CKAP5: variants seen among roughly 807,000 people sequenced by gnomAD.
CKAP5 encodes the protein cytoskeleton associated protein 5.
Under a neutral mutation model 232.8 loss-of-function variants are expected in CKAP5, and 27 were observed. The ratio of observed to expected loss-of-function variants is 0.12; its 90% confidence interval spans 0.09 to 0.16. The LOEUF (loss-of-function observed/expected upper bound fraction) is 0.16, where lower values mean the gene tolerates loss of function less well. CKAP5 is among the 10% of genes least tolerant of loss of function. CKAP5 has a pLI of 1.00. For synonymous variants in CKAP5, 785 were observed against 841.1 expected (o/e 0.93, Z 1.16); for missense variants, 1,838 against 2,424.7 (o/e 0.76, Z 5.08).
At chr11:46,748,265 G>A (rs753554717) in intron 42 of CKAP5, among the ~76,000 whole-genome samples, 2 of 152,166 alleles carry the variant, frequency 1.3e-5, no homozygotes, top group Non-Finnish European at 2.9e-5. Flanking sequence ...CAGGGTGGAA[G>A]CAGGGAGATC....
At chr11:46,811,418 T>C (rs999915247) in intron 4 of CKAP5, among the ~76,000 whole-genome samples, 6 of 152,206 alleles carry the variant, frequency 3.9e-5, no homozygotes, top group African/African-American at 1.4e-4. Context: ...TTAAACAAAC[T>C]TTCTAGGTAA....
At chr11:46,814,613 T>TA (rs1939356792) in intron 4 of CKAP5, among the ~76,000 whole-genome samples, 1 of 152,200 alleles carries the variant, frequency 6.6e-6, no homozygotes, top group African/African-American at 2.4e-5. Context: ...GGGGACAGGA[T>TA]ACCAGATTAG....
At chr11:46,804,136 T>TG (rs1428754518) in intron 8 of CKAP5, among the ~76,000 whole-genome samples, 1 of 152,198 alleles carries the variant, frequency 6.6e-6, no homozygotes, top group East Asian at 1.9e-4. Context: ...CAGTAACCAG[T>TG]GGGAGCTAGA....
chr11:46,767,433 C>A (rs2065211719), intron 27 of CKAP5, 142 bp downstream of exon 27: 2 of 519,588 alleles, frequency 3.8e-6, no homozygotes, highest in African/African-American at 3.8e-5. Flanking sequence ...AAATGAACCA[C>A]AGAAATTTGT....
At chr11:46,821,718 C>A (rs1320178028) in intron 1 of CKAP5, among the ~76,000 whole-genome samples, 1 of 151,884 alleles carries the variant, frequency 6.6e-6, no homozygotes, top group Non-Finnish European at 1.5e-5. Context: ...CCACCGCGCC[C>A]GGCCAATAGA....
At chr11:46,756,754 A>AT (rs59822318) in intron 35 of CKAP5, among the ~76,000 whole-genome samples, 22,738 of 128,048 alleles carry the variant, frequency 0.18, 2,745 homozygotes, top group East Asian at 0.6. Context: ...TGGACCTTGA[A>AT]TTTTTTTTTT....
chr11:46,795,698 G>A lies in CKAP5; in HGVS notation c.1546C>T (p.Pro516Ser). 1 of 1,614,090 alleles carries A rather than the reference G, an allele frequency of 6.2e-7. No individual in the cohort carries two copies. Among genetic ancestry groups the A allele is most frequent in the Non-Finnish European group, 8.5e-7 (1 of 1,179,976 alleles). The change falls in exon 13 of 44, where the codon CCT (proline) becomes TCT (serine). Residue 516 changes from proline (P) to serine (S), a missense_variant. Physicochemically the swap from Pro to Ser is moderately conservative, Grantham distance 74. This residue lies in a region of CKAP5 where 767 missense variants were observed against 954.6 expected (regional missense o/e 0.80). Coordinates refer to ENST00000529230, the MANE Select transcript of CKAP5 (RefSeq NM_001008938.4). ...GAAGCAGCAGTCCTTCCAGGCAGAG[G>A]TTTGAATTCCTTCTTATCAGCAGCT... ...GLAADKKEFK[P>S]LPGRTAASGA... is the part of the protein sequence containing the mutation.
At chr11:46,811,330 A>G in intron 4 of CKAP5, 152 bp from the exon 5 acceptor site, 8 of 619,386 alleles carry the variant, frequency 1.3e-5, no homozygotes, top group Middle Eastern at 4.3e-4. Context: ...AAAGGAACTC[A>G]TAACTGCTTA....
intron 36 of CKAP5, among the ~76,000 whole-genome samples, chr11:46,754,235 G>C (rs1319367161): frequency 6.6e-6 from 1 of 152,156 alleles, no homozygotes; most frequent in Non-Finnish European, 1.5e-5. Flanking sequence ...CTGACATTGT[G>C]ATCCACCCGC....
In CKAP5 at chr11:46,835,142, T is replaced by C. The variant is rs193171058; in HGVS notation, c.-38+11078A>G. 2.8e-3 allele frequency among the ~76,000 whole-genome samples: 421 copies of C among 152,122 alleles called. 2 individuals are homozygous for C. The highest frequency in any genetic ancestry group is 9.6e-3 in the African/African-American group (399 of 41,484). ...ATTTAAAGAACCAAGCAGGCTGAAA[T>C]TGTGCATAGAAGAGTGAATAGAATC... On this transcript the variant is annotated intron_variant, in intron 1 of 43. Coordinates refer to ENST00000529230, the MANE Select transcript of CKAP5 (RefSeq NM_001008938.4).
intron 18 of CKAP5, among the ~76,000 whole-genome samples, chr11:46,780,915 C>T (rs2065336242): frequency 6.6e-6 from 1 of 152,190 alleles, no homozygotes; most frequent in South Asian, 2.1e-4. Flanking sequence ...TGAGCTACCA[C>T]ACCCAGCCTC....
intron 1 of CKAP5, among the ~76,000 whole-genome samples, chr11:46,829,669 A>G (rs905249085): frequency 3.3e-5 from 5 of 152,196 alleles, no homozygotes; most frequent in African/African-American, 1.2e-4. Context: ...ACAGTAGGCT[A>G]TTAGTAAAGT....
At chr11:46,749,119 A>T (rs901367161) in intron 42 of CKAP5, among the ~76,000 whole-genome samples, 1 of 149,786 alleles carries the variant, frequency 6.7e-6, no homozygotes, top group Admixed American at 6.7e-5. Context: ...GTGAGCCACC[A>T]TGCCTGGCCA....
At chr11:46,797,410 T>A (rs185907986) in intron 11 of CKAP5, among the ~76,000 whole-genome samples, 1 of 151,106 alleles carries the variant, frequency 6.6e-6, no homozygotes, top group Non-Finnish European at 1.5e-5. Context: ...AAAACAAAAA[T>A]TTTTCGGGTT....
At chr11:46,785,799 GT>G (rs1000422835) in intron 16 of CKAP5, among the ~76,000 whole-genome samples, 5 of 152,150 alleles carry the variant, frequency 3.3e-5, no homozygotes, top group African/African-American at 1.2e-4. Flanking sequence ...ACAAAAATTA[GT>G]TGGGTATGGT....
intron 1 of CKAP5, among the ~76,000 whole-genome samples, chr11:46,842,177 T>C (rs187700479): frequency 1.9e-4 from 29 of 152,284 alleles, no homozygotes; most frequent in African/African-American, 7.0e-4. Flanking sequence ...GGGAAAAATG[T>C]ATGCCGGGAC....
At chr11:46,819,006 T>C (rs1211552807) in intron 2 of CKAP5, among the ~76,000 whole-genome samples, 1 of 152,132 alleles carries the variant, frequency 6.6e-6, no homozygotes, top group Non-Finnish European at 1.5e-5. Context: ...GTTTAATAAA[T>C]AAAAATCAAT....
chr11:46,760,836 T>C, intron 32 of CKAP5, 52 bp from the exon 33 acceptor site: 1 of 1,494,090 alleles, frequency 6.7e-7, no homozygotes, highest in South Asian at 1.2e-5. Context: ...ATAATATCTA[T>C]TTTCATATCA....
intron 8 of CKAP5, among the ~76,000 whole-genome samples, chr11:46,804,230 A>G (rs1939101976): frequency 6.6e-6 from 1 of 152,226 alleles, no homozygotes; most frequent in South Asian, 2.1e-4. Flanking sequence ...AGGCTCAAAT[A>G]AACTTATAAG....
Sources: allele counts gnomAD v4.1 joint callset (sites outside exome capture counted in the v4.1 genomes callset), GRCh38; gene constraint gnomAD v4.1.1; regional missense constraint gnomAD v4.1.1; transcripts MANE v1.5; gene names NCBI Gene and HGNC (gene_info 2026-07-23, HGNC 2026-07-21).